Variants in TMEM272 observed in about 807,000 individuals in gnomAD.
TMEM272 encodes the protein long intergenic non-protein coding RNA 282.
A neutral mutation model predicts 3.7 loss-of-function variants in TMEM272; 8 were observed. The ratio of observed to expected loss-of-function variants is 2.17; its 90% CI spans 1.27 to 3.91. The LOEUF (loss-of-function observed/expected upper bound fraction) is 3.91, where lower values mean the gene tolerates loss of function less well. Among genes scored for constraint, TMEM272 ranks in the 30% most tolerant of loss-of-function variants. The pLI is 0.00. For synonymous variants in TMEM272, 63 were observed against 39.8 expected (o/e 1.58, Z -2.20); for missense variants, 166 against 91.5 (o/e 1.81, Z -3.32).
At chr13:51,836,949 C>T (rs946914078) in intron 2 of TMEM272, among the ~76,000 whole-genome samples, 12 of 152,254 alleles carry the variant, frequency 7.9e-5, no homozygotes, top group East Asian at 1.9e-4. Flanking sequence ...AGAGAGCAAA[C>T]GCTTCTGTTT....
At chr13:51,865,295 G>A in the TMEM272 span, 1 of 1,130,338 alleles carries the variant, frequency 8.8e-7, no homozygotes, top group Non-Finnish European at 1.3e-6. Flanking sequence ...CCTGGCATGT[G>A]ATACTCATAG....
chr13:51,829,022 C>T (rs941768043), intron 2 of TMEM272, among the ~76,000 whole-genome samples: 3 of 152,190 alleles, frequency 2.0e-5, no homozygotes, highest in Non-Finnish European at 2.9e-5. Flanking sequence ...CCTCACCTAT[C>T]TGTGAGCAGA....
At chr13:51,919,226 A>G in the TMEM272 span, among the ~76,000 whole-genome samples, 1 of 152,184 alleles carries the variant, frequency 6.6e-6, no homozygotes, top group Admixed American at 6.5e-5. Flanking sequence ...TACAAACACC[A>G]GACCCACGTG....
At chr13:51,847,505 A>G (rs974181310), upstream of TMEM272, among the ~76,000 whole-genome samples, 1 of 152,256 alleles carries the variant, frequency 6.6e-6, no homozygotes, top group Non-Finnish European at 1.5e-5. Context: ...CTGGGTGTGT[A>G]GTAGGCTATA....
chr13:51,873,535 G>A, the TMEM272 span, among the ~76,000 whole-genome samples: 5 of 152,162 alleles, frequency 3.3e-5, no homozygotes, highest in Non-Finnish European at 7.3e-5. Context: ...GAATCAACCG[G>A]AGGGCTTGTT....
the TMEM272 span, among the ~76,000 whole-genome samples, chr13:51,883,101 G>T: frequency 4.6e-5 from 7 of 152,374 alleles, no homozygotes; most frequent in South Asian, 2.1e-4. Context: ...GGAGCCCCAA[G>T]GGGTGTTACA....
At chr13:51,847,271 C>T (rs1188974848), upstream of TMEM272, among the ~76,000 whole-genome samples, 3 of 152,134 alleles carry the variant, frequency 2.0e-5, no homozygotes. Flanking sequence ...GGCAGGTGAG[C>T]AATCATTACC....
At chr13:51,908,398 G>A in the TMEM272 span, 13 of 1,486,224 alleles carry the variant, frequency 8.7e-6, no homozygotes, top group African/African-American at 5.5e-5. Flanking sequence ...AATGGAGCAC[G>A]TGGTGGACCT....
the TMEM272 span, among the ~76,000 whole-genome samples, chr13:51,861,613 C>T: frequency 6.6e-6 from 1 of 152,102 alleles, no homozygotes; most frequent in African/African-American, 2.4e-5. Flanking sequence ...CTGGGGGACA[C>T]ACTCACGCTA....
chr13:51,818,691 C>T (rs535439306), intron 4 of TMEM272, among the ~76,000 whole-genome samples: 2 of 152,346 alleles, frequency 1.3e-5, no homozygotes, highest in African/African-American at 4.8e-5. Flanking sequence ...GTGAAATTTA[C>T]AGATGATTTT....
At chr13:51,905,589 C>T in the TMEM272 span, among the ~76,000 whole-genome samples, 1 of 152,216 alleles carries the variant, frequency 6.6e-6, no homozygotes, top group Non-Finnish European at 1.5e-5. Flanking sequence ...GCGGCGCGGT[C>T]GACCCAAGCA....
At chr13:51,932,583 C>T in the TMEM272 span, 1 of 152,228 alleles carries the variant, frequency 6.6e-6, no homozygotes, top group Non-Finnish European at 1.5e-5. Flanking sequence ...CCTAAAAAGA[C>T]ATGAAGCCAA....
the TMEM272 span, among the ~76,000 whole-genome samples, chr13:51,852,895 A>T: frequency 3.3e-5 from 5 of 151,968 alleles, no homozygotes; most frequent in South Asian, 2.1e-4. Context: ...AAAAAAAAAA[A>T]AATACAGTTG....
chr13:51,929,836 A>G, the TMEM272 span, among the ~76,000 whole-genome samples: 1 of 152,284 alleles, frequency 6.6e-6, no homozygotes, highest in Non-Finnish European at 1.5e-5. Context: ...CAGACAGGCA[A>G]GATGAGTGAC....
At chr13:51,893,711 G>A in the TMEM272 span, among the ~76,000 whole-genome samples, 1 of 152,008 alleles carries the variant, frequency 6.6e-6, no homozygotes, top group Non-Finnish European at 1.5e-5. Context: ...GCTCAGAGGA[G>A]GCCACACAGT....
intron 2 of TMEM272, among the ~76,000 whole-genome samples, chr13:51,830,553 T>C (rs1170538448): frequency 6.6e-6 from 1 of 152,238 alleles, no homozygotes; most frequent in African/African-American, 2.4e-5. Context: ...CTGCATAATC[T>C]GTGTAGGGCA....
chr13:51,904,098 G>A, the TMEM272 span, among the ~76,000 whole-genome samples: 2 of 152,186 alleles, frequency 1.3e-5, no homozygotes, highest in Non-Finnish European at 2.9e-5. Flanking sequence ...TGCTAGGCAT[G>A]AGGTGGTTTT....
chr13:51,933,277 C>G, the TMEM272 span: 5 of 152,230 alleles, frequency 3.3e-5, no homozygotes, highest in African/African-American at 1.2e-4. Context: ...GCTATGTCAT[C>G]CTGGGCAAAG....
the TMEM272 span, among the ~76,000 whole-genome samples, chr13:51,878,756 G>A: frequency 3.9e-5 from 6 of 152,268 alleles, no homozygotes; most frequent in South Asian, 2.1e-4. Flanking sequence ...TCCTTACAGC[G>A]TATTAAATGA....
Sources: allele counts gnomAD v4.1 joint callset (sites outside exome capture counted in the v4.1 genomes callset), GRCh38; gene constraint gnomAD v4.1.1; transcripts MANE v1.5; gene names NCBI Gene and HGNC (gene_info 2026-07-23, HGNC 2026-07-21).